CA1: variants seen among roughly 807,000 people sequenced by gnomAD.
CA1 encodes the protein carbonate dehydratase I.
Under a neutral mutation model 28.8 loss-of-function variants are expected in CA1, and 27 were observed. The ratio of observed to expected loss-of-function variants is 0.94; its 90% CI spans 0.69 to 1.29. CA1 has a LOEUF of 1.29. CA1 is among the 50% of genes most tolerant of loss of function. The probability of loss-of-function intolerance (pLI) is 0.00; values close to 1 mark genes in which losing one functional copy is unlikely to be tolerated. For missense variants in CA1, 335 were observed against 310.5 expected, an observed-to-expected ratio of 1.08 and a Z score of -0.59; for synonymous variants, 121 against 108.8, an observed-to-expected ratio of 1.11 and a Z score of -0.70.
rs1456531195 is a variant in CA1, at chr8:85,336,998, T to C, written c.301A>G (p.Thr101Ala). 6.2e-7 allele frequency: 1 copy of C among 1,613,384 alleles called. No individual in the cohort carries two copies. Among genetic ancestry groups the C allele is most frequent in the Admixed American group, 1.7e-5 (1 of 60,004 alleles). Residue 101 changes from threonine (T) to alanine (A), a missense_variant, in exon 4 of 8, where the codon ACA (threonine) becomes GCA (alanine). Physicochemically the swap from Thr to Ala is moderately conservative, Grantham distance 58. Transcript: ENST00000523022. ...GTATGTTCTGAACCATGCTCATTTG[T>C]ACTGCCCCAGTGAAAATGGAACTGA... ...LFQFHFHWGSTNEHGSEHTVD... is the reference protein window; with the variant it reads ...LFQFHFHWGSANEHGSEHTVD...
chr8:85,348,071 T>A (rs1341455074), intron 1 of CA1, among the ~76,000 whole-genome samples: 3 of 152,214 alleles, frequency 2.0e-5, no homozygotes, highest in Non-Finnish European at 4.4e-5. Context: ...CAAACATTTT[T>A]AAAAATCCTA....
At chr8:85,364,949 C>T (rs2130364381) in intron 1 of CA1, among the ~76,000 whole-genome samples, 1 of 152,328 alleles carries the variant, frequency 6.6e-6, no homozygotes, top group East Asian at 1.9e-4. Context: ...CTAGACGGTA[C>T]TGGCAGCAAC....
At chr8:85,364,959 C>T (rs1809946469) in intron 1 of CA1, among the ~76,000 whole-genome samples, 1 of 152,138 alleles carries the variant, frequency 6.6e-6, no homozygotes, top group Non-Finnish European at 1.5e-5. Context: ...CTGGCAGCAA[C>T]AGCTGCCGCT....
Position 85,378,064 on chromosome 8 carries a change from G to A in CA1, c.-43C>T, listed in dbSNP as rs925593737. 3.9e-5 allele frequency: 6 copies of A among 152,222 alleles called. No individual in the cohort carries two copies. The highest frequency in any genetic ancestry group is 1.4e-4 in the African/African-American group (6 of 41,466). 9.4% of individuals were successfully genotyped at this position (152,222 alleles called of 1,614,324 possible). On this transcript the variant is annotated 5_prime_UTR_variant, in exon 1 of 8. Transcript: ENST00000523022. ...TACTTACAGCTCTGAATGAGAGAAG[G>A]CTGCCACAGAGGACCACGCAGGGGG...
At chr8:85,332,627 T>G in intron 5 of CA1, 75 bp from the exon 6 acceptor site, 1 of 1,100,530 alleles carries the variant, frequency 9.1e-7, no homozygotes, top group East Asian at 2.4e-5. Context: ...ATTTTGAATT[T>G]TTTTTCAATT....
chr8:85,376,204 A>T (rs1160904296), intron 1 of CA1, among the ~76,000 whole-genome samples: 1 of 151,946 alleles, frequency 6.6e-6, no homozygotes, highest in African/African-American at 2.4e-5. Flanking sequence ...GGTAGCGCAT[A>T]CTTGTAATCC....
chr8:85,330,917 GT>G (rs1419554057), intron 6 of CA1, among the ~76,000 whole-genome samples: 2 of 151,782 alleles, frequency 1.3e-5, no homozygotes, highest in Non-Finnish European at 2.9e-5. Context: ...TATGTTTTTT[GT>G]TTTGTTTGTC....
intron 1 of CA1, among the ~76,000 whole-genome samples, chr8:85,349,115 C>T (rs571188064): frequency 1.9e-4 from 29 of 152,266 alleles, no homozygotes; most frequent in Non-Finnish European, 3.2e-4. Flanking sequence ...TTTTTAGCCT[C>T]TACACTAAGG....
At chr8:85,334,230 T>A (rs1808543037) in intron 4 of CA1, among the ~76,000 whole-genome samples, 1 of 152,228 alleles carries the variant, frequency 6.6e-6, no homozygotes, top group Non-Finnish European at 1.5e-5. Context: ...GATTTCCTTC[T>A]TGCCAAACCT....
At chr8:85,349,594 A>T (rs945723045) in intron 1 of CA1, among the ~76,000 whole-genome samples, 1 of 152,176 alleles carries the variant, frequency 6.6e-6, no homozygotes, top group Non-Finnish European at 1.5e-5. Context: ...ATGGACCACC[A>T]TTATCTTTGG....
At chr8:85,338,169 G>T (rs535379504) in intron 3 of CA1, 83 bp downstream of exon 3, 786 of 1,107,664 alleles carry the variant, frequency 7.1e-4, no homozygotes, top group Non-Finnish European at 1.0e-3. Flanking sequence ...ACTTAGAATG[G>T]GTGTCATATT....
In CA1 at chr8:85,338,267, T is replaced by C. The variant is rs1206687857; in HGVS notation, c.220A>G (p.Asn74Asp). ...TTCAGCTCACCTGATCGGTTATCGT[T>C]GTCCTCAAAATTTACATGGAAGGAA... is the stretch of plus-strand genomic sequence containing the variant. ...GHSFHVNFED[N>D]DNRSVLKGGP... is the part of the protein sequence containing the mutation. The change falls in exon 3 of 8, where the codon AAC becomes GAC. Residue 74 changes from asparagine to aspartate, a missense_variant. Coordinates refer to ENST00000523022, the MANE Select transcript of CA1 (RefSeq NM_001128831.4). The C allele has an allele frequency of 6.2e-7, 1 of 1,613,870 alleles. No individual in the cohort carries two copies. The highest frequency in any genetic ancestry group is 1.1e-5 in the South Asian group (1 of 91,080).
chr8:85,361,882 C>A (rs748754191), intron 1 of CA1, among the ~76,000 whole-genome samples: 2 of 152,122 alleles, frequency 1.3e-5, no homozygotes, highest in Non-Finnish European at 2.9e-5. Flanking sequence ...GTTACCTTCT[C>A]TGGGCAGGCA....
intron 1 of CA1, among the ~76,000 whole-genome samples, chr8:85,347,459 A>T (rs973044941): frequency 6.6e-6 from 1 of 152,150 alleles, no homozygotes; most frequent in African/African-American, 2.4e-5. Context: ...TCAACAATCA[A>T]ATTTCCCAAG....
intron 1 of CA1, among the ~76,000 whole-genome samples, chr8:85,352,746 A>G (rs2173044): frequency 0.47 from 71,231 of 150,332 alleles, 18,509 homozygotes; most frequent in Middle Eastern, 0.6. Context: ...AGCTCACTGC[A>G]ACCTCTGCCT....
chr8:85,356,317 C>T (rs1368639665), intron 1 of CA1, among the ~76,000 whole-genome samples: 3 of 152,044 alleles, frequency 2.0e-5, no homozygotes, highest in African/African-American at 4.8e-5. Context: ...AACAACCTTA[C>T]ACAGTTGTGA....
At chr8:85,336,910 A>G (rs1386611861) in intron 4 of CA1, 35 bp downstream of exon 4, 1 of 1,239,052 alleles carries the variant, frequency 8.1e-7, no homozygotes, top group African/African-American at 1.5e-5. Context: ...GAGTACTCTC[A>G]GGGTAATTAT....
At chr8:85,352,684 T>TTTA (rs1809457539) in intron 1 of CA1, among the ~76,000 whole-genome samples, 2 of 142,682 alleles carry the variant, frequency 1.4e-5, no homozygotes, top group Admixed American at 7.3e-5. Context: ...TTTTTTTTTT[T>TTTA]GAGACATAGT....
chr8:85,354,077 G>A (rs1809510944), intron 1 of CA1, among the ~76,000 whole-genome samples: 1 of 151,192 alleles, frequency 6.6e-6, no homozygotes, highest in Non-Finnish European at 1.5e-5. Context: ...GATCCTCCCA[G>A]CTCAGCCTCC....
Sources: allele counts gnomAD v4.1 joint callset (sites outside exome capture counted in the v4.1 genomes callset), GRCh38; gene constraint gnomAD v4.1.1; transcripts MANE v1.5; gene names NCBI Gene and HGNC (gene_info 2026-07-23, HGNC 2026-07-21).